Variants in RORB observed in about 807,000 individuals in gnomAD.
RORB encodes the protein nuclear receptor ROR-beta.
A neutral mutation model predicts 59.1 loss-of-function variants in RORB; 6 were observed. The ratio of observed to expected loss-of-function variants is 0.10; its 90% confidence interval spans 0.06 to 0.20. RORB has a LOEUF of 0.20. RORB is among the 10% of genes least tolerant of loss of function. The pLI is 1.00. For synonymous variants in RORB, 215 were observed against 204.5 expected, an observed-to-expected ratio of 1.05 and a Z score of -0.44; for missense variants, 320 against 560.5, an observed-to-expected ratio of 0.57 and a Z score of 4.33.
At chr9:74,591,935 T>C (rs1027659981) in intron 1 of RORB, among the ~76,000 whole-genome samples, 3 of 152,058 alleles carry the variant, frequency 2.0e-5, no homozygotes, top group African/African-American at 7.2e-5. Context: ...CATGTTCATG[T>C]GTGAGAGTGA....
chr9:74,531,532 G>A (rs1271733210), intron 1 of RORB, among the ~76,000 whole-genome samples: 2 of 151,926 alleles, frequency 1.3e-5, no homozygotes, highest in Non-Finnish European at 2.9e-5. Context: ...TCTGTGAAAT[G>A]CAGTTCTATT....
chr9:74,626,829 A>T (rs1002373528), intron 1 of RORB, among the ~76,000 whole-genome samples: 7 of 152,222 alleles, frequency 4.6e-5, no homozygotes, highest in Non-Finnish European at 8.8e-5. Context: ...TGTTGTTCTA[A>T]TCAGTTTGTG....
chr9:74,525,440 A>C (rs530350667), intron 1 of RORB, among the ~76,000 whole-genome samples: 16 of 152,060 alleles, frequency 1.1e-4, no homozygotes, highest in African/African-American at 3.4e-4. Flanking sequence ...TAGGGTGGTA[A>C]AACTGTATTG....
chr9:74,595,499 C>G (rs549552038), intron 1 of RORB, among the ~76,000 whole-genome samples: 1 of 152,180 alleles, frequency 6.6e-6, no homozygotes, highest in Non-Finnish European at 1.5e-5. Flanking sequence ...TTTAAGAAAC[C>G]ATTACTTTCC....
intron 5 of RORB, among the ~76,000 whole-genome samples, chr9:74,661,836 A>G (rs372963920): frequency 4.0e-5 from 6 of 151,508 alleles, no homozygotes; most frequent in African/African-American, 1.5e-4. Flanking sequence ...TAGTAGAGAC[A>G]GGGTTTCACC....
At chr9:74,579,806 C>T (rs1326268910) in intron 1 of RORB, among the ~76,000 whole-genome samples, 1 of 152,148 alleles carries the variant, frequency 6.6e-6, no homozygotes, top group African/African-American at 2.4e-5. Context: ...TCTGGGAAGC[C>T]TTATCTGACC....
intron 1 of RORB, among the ~76,000 whole-genome samples, chr9:74,624,597 G>A (rs1183275535): frequency 6.6e-6 from 1 of 152,220 alleles, no homozygotes; most frequent in Non-Finnish European, 1.5e-5. Context: ...GGTTCCCAGA[G>A]ATACCTGCTG....
chr9:74,586,979 C>T (rs1014056023), intron 1 of RORB, among the ~76,000 whole-genome samples: 15 of 152,162 alleles, frequency 9.9e-5, no homozygotes, highest in Non-Finnish European at 1.3e-4. Context: ...AATCTGTCCA[C>T]TCCCTTGGTA....
Position 74,623,627 on chromosome 9 carries a change from T to C in RORB, c.8-6655T>C, listed in dbSNP as rs534100185. On this transcript the variant is annotated intron_variant, in intron 1 of 9. Transcript: ENST00000376896. ...CATCACAGAACAGTGCTTCTCAAAC[T>C]CGAATGCTAGCCTCAGGATCTCATT... Among the ~76,000 whole-genome samples, 4 of 152,222 alleles carry C rather than the reference T, an allele frequency of 2.6e-5. No homozygotes were observed. In the South Asian group the frequency reaches 8.3e-4, roughly 32 times the overall value.
intron 9 of RORB, among the ~76,000 whole-genome samples, chr9:74,675,813 G>A (rs963157067): frequency 1.3e-5 from 2 of 152,162 alleles, no homozygotes; most frequent in African/African-American, 4.8e-5. Context: ...TACTTCCTCA[G>A]TGAAGACAGC....
At chr9:74,614,582 A>G (rs1034733366) in intron 1 of RORB, among the ~76,000 whole-genome samples, 1 of 152,022 alleles carries the variant, frequency 6.6e-6, no homozygotes, top group African/African-American at 2.4e-5. Flanking sequence ...TTAAATATAC[A>G]TAATAAAATT....
At chr9:74,659,636 G>T (rs374975297) in intron 4 of RORB, among the ~76,000 whole-genome samples, 1 of 151,950 alleles carries the variant, frequency 6.6e-6, no homozygotes. Flanking sequence ...GATTACAGGC[G>T]TGTGCCACCA....
chr9:74,611,761 C>T (rs1823235442), intron 1 of RORB, among the ~76,000 whole-genome samples: 1 of 152,200 alleles, frequency 6.6e-6, no homozygotes, highest in African/African-American at 2.4e-5. Flanking sequence ...GATTCTCCTG[C>T]CTGAGCCTCC....
chr9:74,630,857 T>C (rs1823606515), intron 2 of RORB, among the ~76,000 whole-genome samples: 1 of 150,270 alleles, frequency 6.7e-6, no homozygotes, highest in Non-Finnish European at 1.5e-5. Flanking sequence ...AAAAGAAAAC[T>C]GGAAGCATGG....
intron 4 of RORB, among the ~76,000 whole-genome samples, chr9:74,653,580 C>G (rs1195905926): frequency 6.6e-6 from 1 of 152,100 alleles, no homozygotes; most frequent in African/African-American, 2.4e-5. Context: ...TTACGAAGTT[C>G]AGGAGCAACA....
At position 74,571,362 on chromosome 9, in the gene RORB, G is replaced by A. The variant is rs367634968; in HGVS notation, c.8-58920G>A. On this transcript the variant is annotated intron_variant, in intron 1 of 9. Coordinates refer to ENST00000376896, the MANE Select transcript of RORB (RefSeq NM_006914.4). ...AATAGTACACAGCAGAGAGTACTCC[G>A]GAGCAGTATTTTTCACTACAGTACT... Among the ~76,000 whole-genome samples, 8 of 150,506 alleles carry A rather than the reference G, an allele frequency of 5.3e-5. No homozygotes were observed. The East Asian group carries it at 5.9e-4, about 11-fold the overall frequency.
chr9:74,609,357 C>T lies in RORB; in HGVS notation c.8-20925C>T, dbSNP rs76835896. Reference sequence around the variant, plus strand: ...CCATTGCTTTTTTCTCCATCATCTACCAACTGTTGACCCTAGGAGGTAATG... The same window carrying T: ...CCATTGCTTTTTTCTCCATCATCTATCAACTGTTGACCCTAGGAGGTAATG... On this transcript the variant is annotated intron_variant, in intron 1 of 9. Coordinates refer to ENST00000376896, the MANE Select transcript of RORB (RefSeq NM_006914.4). Among the ~76,000 whole-genome samples, 183 of 152,276 alleles carry T rather than the reference C, an allele frequency of 1.2e-3. 1 individual carries two copies. In the East Asian group the frequency reaches 0.022, roughly 18 times the overall value.
rs768600001 is a variant in RORB, at chr9:74,642,583, C to T, written c.405C>T (p.Asn135=). ...SISNGLSNLN[N]ETSGTYANGH... is the part of the protein sequence containing the mutation. ...GCAACGGCCTGAGCAACCTGAACAA[C>T]GAGACCAGCGGCACTTATGCCAACG... Residue 135 remains asparagine (N), a synonymous_variant, in exon 4 of 10, where the codon AAC becomes AAT. Coordinates refer to ENST00000376896, the MANE Select transcript of RORB (RefSeq NM_006914.4). The T allele has an allele frequency of 1.1e-5, 17 of 1,614,180 alleles. No homozygotes were observed. In the East Asian group the frequency reaches 3.3e-4, roughly 32 times the overall value.
chr9:74,637,752 T>A (rs1823730786), intron 3 of RORB, among the ~76,000 whole-genome samples: 1 of 152,198 alleles, frequency 6.6e-6, no homozygotes, highest in South Asian at 2.1e-4. Context: ...ATTAAGCTTC[T>A]ATCCAGAACT....
Sources: allele counts gnomAD v4.1 joint callset (sites outside exome capture counted in the v4.1 genomes callset), GRCh38; gene constraint gnomAD v4.1.1; transcripts MANE v1.5; gene names NCBI Gene and HGNC (gene_info 2026-07-23, HGNC 2026-07-21).